The following PUS10 variants were observed in gnomAD, a reference collection of about 807,000 sequenced individuals.
The protein encoded by PUS10 is tRNA pseudouridine synthase Pus10.
In PUS10, 59 loss-of-function variants were observed where a neutral mutation model predicts 75.0. The observed-to-expected ratio is 0.79, with a 90% CI of 0.64 to 0.98. The LOEUF is 0.98. PUS10 is among the 50% of genes least tolerant of loss of function. The pLI is 0.00. For missense variants in PUS10, 650 were observed against 614.4 expected (o/e 1.06, Z -0.61); for synonymous variants, 219 against 211.6 (o/e 1.03, Z -0.30).
intron 4 of PUS10, among the ~76,000 whole-genome samples, chr2:60,987,925 G>GA (rs1215812241): frequency 2.1e-3 from 277 of 135,010 alleles, no homozygotes; most frequent in Middle Eastern, 3.6e-3. Context: ...TCTGTCTCAA[G>GA]AAAAAAAAAA....
chr2:61,008,707 T>G, intron 3 of PUS10, 54 bp downstream of exon 3: 1 of 1,355,358 alleles, frequency 7.4e-7, no homozygotes, highest in Non-Finnish European at 1.0e-6. Flanking sequence ...TTCTTGGTTT[T>G]AAGACTGAAA....
At chr2:60,999,725 CT>C (rs1678722799) in intron 4 of PUS10, among the ~76,000 whole-genome samples, 1 of 152,182 alleles carries the variant, frequency 6.6e-6, no homozygotes, top group South Asian at 2.1e-4. Context: ...TGCACACTTT[CT>C]TTCTATGTAT....
Position 61,011,797 on chromosome 2 carries a change from C to A in PUS10, c.94G>T (p.Asp32Tyr), listed in dbSNP as rs781267971. ...PRCIFRFCGV[D>Y]FHAPYKLPYK... ...GGAAGTTTGTAAGGTGCATGAAAAT[C>A]CACACCACAGAATCTGAAGATACAT... Residue 32 changes from aspartate (D) to tyrosine (Y), a missense_variant, in exon 2 of 18, where the codon GAT (aspartate) becomes TAT (tyrosine). Physicochemically the swap from Asp to Tyr is radical, Grantham distance 160. Transcript: ENST00000316752. 8 of 1,602,674 alleles carry A rather than the reference C, an allele frequency of 5.0e-6. No individual in the cohort carries two copies. Among genetic ancestry groups the A allele is most frequent in the Non-Finnish European group, 6.8e-6 (8 of 1,174,756 alleles).
At chr2:60,947,148 T>C (rs1445164312) in intron 16 of PUS10, among the ~76,000 whole-genome samples, 1 of 152,230 alleles carries the variant, frequency 6.6e-6, no homozygotes, top group Non-Finnish European at 1.5e-5. Context: ...TGTAACACAG[T>C]CAAAGCTCTT....
chr2:60,953,897 C>T, intron 14 of PUS10, 36 bp downstream of exon 14: 2 of 1,571,368 alleles, frequency 1.3e-6, no homozygotes, highest in Non-Finnish European at 1.8e-6. Context: ...ACTAAAACGT[C>T]CCTTTTGAAA....
intron 15 of PUS10, among the ~76,000 whole-genome samples, chr2:60,948,583 GT>G (rs150025954): frequency 2.0e-5 from 3 of 150,660 alleles, no homozygotes; most frequent in Non-Finnish European, 3.0e-5. Flanking sequence ...GGTTGTTTTG[GT>G]TTTTTTTTGG....
intron 11 of PUS10, 132 bp from the exon 12 acceptor site, chr2:60,955,206 C>A: frequency 2.1e-6 from 1 of 471,254 alleles, no homozygotes. Context: ...GAGTCATCAT[C>A]CCACCTCTAA....
intron 1 of PUS10, chr2:61,017,561 T>C (rs1156740728): frequency 5.4e-6 from 3 of 553,696 alleles, no homozygotes; most frequent in Non-Finnish European, 9.7e-6. Context: ...ACAAAGAGCG[T>C]GTTTCTTCCT....
At chr2:60,951,708 A>T (rs1231483655) in intron 15 of PUS10, among the ~76,000 whole-genome samples, 2 of 152,210 alleles carry the variant, frequency 1.3e-5, no homozygotes, top group Non-Finnish European at 2.9e-5. Context: ...ATTTTCTGCT[A>T]TGTGGCTAGA....
intron 1 of PUS10, among the ~76,000 whole-genome samples, chr2:61,015,992 C>T (rs1234267102): frequency 6.6e-6 from 1 of 152,196 alleles, no homozygotes; most frequent in Non-Finnish European, 1.5e-5. Flanking sequence ...ACACCCTCTT[C>T]CAATAAATCA....
At chr2:61,014,359 A>G (rs576196753) in intron 1 of PUS10, among the ~76,000 whole-genome samples, 3 of 152,338 alleles carry the variant, frequency 2.0e-5, no homozygotes, top group East Asian at 1.9e-4. Flanking sequence ...AGCCTGGGCA[A>G]TAAGAGCGAA....
intron 4 of PUS10, among the ~76,000 whole-genome samples, chr2:60,978,029 G>A (rs1013129740): frequency 6.6e-6 from 1 of 152,170 alleles, no homozygotes; most frequent in African/African-American, 2.4e-5. Flanking sequence ...GGTGGGGGCT[G>A]AGACAGAGAC....
At chr2:60,994,868 C>G (rs1277823541) in intron 4 of PUS10, among the ~76,000 whole-genome samples, 1 of 152,212 alleles carries the variant, frequency 6.6e-6, no homozygotes, top group Non-Finnish European at 1.5e-5. Flanking sequence ...GCAGGCGGAT[C>G]ACCTGAGGTC....
intron 1 of PUS10, among the ~76,000 whole-genome samples, chr2:61,014,565 A>T (rs114362218): frequency 2.0e-5 from 3 of 152,340 alleles, no homozygotes; most frequent in African/African-American, 7.2e-5. Context: ...GGTACTAAAA[A>T]TTCAAACAAC....
intron 4 of PUS10, among the ~76,000 whole-genome samples, chr2:60,988,246 C>T (rs1677846841): frequency 6.6e-6 from 1 of 152,072 alleles, no homozygotes; most frequent in African/African-American, 2.4e-5. Flanking sequence ...TCCTCCATTA[C>T]ATAACCTTAA....
Position 60,960,463 on chromosome 2 carries a change from C to A in PUS10, c.929G>T (p.Gly310Val). The change falls in exon 11 of 18, where the codon GGA (glycine) becomes GTA (valine). Residue 310 changes from glycine to valine, a missense_variant. Gly to Val is a moderately radical substitution (Grantham distance 109). Coordinates refer to ENST00000316752, the MANE Select transcript of PUS10 (RefSeq NM_144709.4). ...CACTGAAGATTCCAGCTTCCTTTCT[C>A]CATCAATTATCCAAGGAGTTTGTGG... ...NLPQTPWIID[G>V]ERKLESSVEE... 6.4e-7 allele frequency: 1 copy of A among 1,572,646 alleles called. No homozygotes were observed. Among genetic ancestry groups the A allele is most frequent in the Non-Finnish European group, 8.6e-7 (1 of 1,165,014 alleles).
At chr2:60,972,125 T>C (rs1433719588) in intron 4 of PUS10, among the ~76,000 whole-genome samples, 2 of 142,650 alleles carry the variant, frequency 1.4e-5, no homozygotes, top group Non-Finnish European at 3.1e-5. Flanking sequence ...CACCTCGGCC[T>C]CCCAAAGTGC....
At chr2:61,006,036 A>G (rs1414078287) in intron 4 of PUS10, among the ~76,000 whole-genome samples, 1 of 152,228 alleles carries the variant, frequency 6.6e-6, no homozygotes, top group Non-Finnish European at 1.5e-5. Context: ...ACATAAGAAT[A>G]TTACAGCAGT....
chr2:60,996,586 T>C (rs2104603788), intron 4 of PUS10, among the ~76,000 whole-genome samples: 1 of 150,698 alleles, frequency 6.6e-6, no homozygotes, highest in South Asian at 2.1e-4. Context: ...GATGTAGAGA[T>C]GGTATGGTTT....
Sources: gnomAD v4.1 joint callset for allele counts (sites outside exome capture counted in the v4.1 genomes callset) on GRCh38, gnomAD v4.1.1 for gene constraint, MANE v1.5 for transcripts, NCBI Gene and HGNC (gene_info 2026-07-23, HGNC 2026-07-21) for gene names.